LAMA5: variants seen among roughly 807,000 people sequenced by gnomAD.
LAMA5 encodes the protein laminin subunit alpha 5.
Under a neutral mutation model 433.4 loss-of-function variants are expected in LAMA5, and 260 were observed. The observed-to-expected ratio is 0.60, with a 90% CI of 0.54 to 0.66. The LOEUF is 0.66. Ranked by LOEUF, LAMA5 falls within the 30% of genes least tolerant of loss-of-function variation. The pLI is 0.00. For synonymous variants in LAMA5, 2,620 were observed against 2,226.6 expected, an observed-to-expected ratio of 1.18 and a Z score of -4.97; for missense variants, 5,378 against 5,258.5, an observed-to-expected ratio of 1.02 and a Z score of -0.70.
At position 62,332,466 on chromosome 20, in the gene LAMA5, C is replaced by T. The variant is rs763338126; in HGVS notation, c.3458G>A (p.Gly1153Asp). Residue 1153 changes from glycine to aspartate, a missense_variant, in exon 28 of 80, where the codon GGC (glycine) becomes GAC (aspartate). Gly to Asp is a moderately conservative substitution (Grantham distance 94, BLOSUM62 -1). Transcript: ENST00000252999. ...HPCLYSTLCRGTARDTQDHLA... is the reference protein window; with the variant it reads ...HPCLYSTLCRDTARDTQDHLA... ...GTGGTCCTGGGTATCCCGGGCAGTG[C>T]CCCGGCACAGGGTGCTGTGGGGGGA... is the stretch of plus-strand genomic sequence containing the variant. 11 of 1,612,404 alleles carry T rather than the reference C, an allele frequency of 6.8e-6. No homozygotes were observed. The highest frequency in any genetic ancestry group is 1.3e-5 in the African/African-American group (1 of 74,932).
Position 62,351,978 on chromosome 20 carries a change from G to T in LAMA5, c.789C>A (p.Phe263Leu). The T allele has an allele frequency of 6.2e-7, 1 of 1,612,652 alleles. No homozygotes were observed. Among genetic ancestry groups the T allele is most frequent in the Non-Finnish European group, 8.5e-7 (1 of 1,179,912 alleles). ...FTKATNVRLR[F>L]LRTNTLLGHL... Reference sequence around the variant, plus strand: ...GGCCCAGCAGCGTGTTGGTACGCAGGAAGCGCAGGCGGACGTTGGTGGCCT... The same window carrying T: ...GGCCCAGCAGCGTGTTGGTACGCAGTAAGCGCAGGCGGACGTTGGTGGCCT... Residue 263 changes from phenylalanine to leucine, a missense_variant, in exon 5 of 80, where the codon TTC (phenylalanine) becomes TTA (leucine). By Grantham distance (22) the Phe-to-Leu change is conservative (BLOSUM62 0). Coordinates refer to ENST00000252999, the MANE Select transcript of LAMA5 (RefSeq NM_005560.6).
Position 62,309,802 on chromosome 20 carries a change from A to G in LAMA5, c.10862T>C (p.Val3621Ala), listed in dbSNP as rs1253046894. Residue 3621 changes from valine (V) to alanine (A), a missense_variant, in exon 79 of 80, where the codon GTG becomes GCG. Coordinates refer to ENST00000252999, the MANE Select transcript of LAMA5 (RefSeq NM_005560.6). ...MKSGNVLRLE[V>A]DAQSNHTVGP... ...CACGGTGTGGTTGCTCTGCGCGTCC[A>G]CCTCCAGCCGGAGCACATTCCCGCT... The G allele has an allele frequency of 1.7e-5, 28 of 1,610,378 alleles. No individual in the cohort carries two copies. The highest frequency in any genetic ancestry group is 2.4e-5 in the Non-Finnish European group (28 of 1,179,232).
At chr20:62,316,532 C>G (rs1986948607) in intron 57 of LAMA5, 139 bp downstream of exon 57, 2 of 624,996 alleles carry the variant, frequency 3.2e-6, no homozygotes, top group Non-Finnish European at 5.3e-6. Flanking sequence ...GCTGGGGAGC[C>G]ATCTCCAAAG....
chr20:62,328,092 G>C (rs1383913229), intron 35 of LAMA5, 82 bp from the exon 36 acceptor site: 4 of 1,574,964 alleles, frequency 2.5e-6, no homozygotes, highest in Non-Finnish European at 3.4e-6. Flanking sequence ...CCCCCACCCA[G>C]GCAGCATCCT....
chr20:62,364,165 T>C (rs1986464293), intron 1 of LAMA5, among the ~76,000 whole-genome samples: 1 of 152,184 alleles, frequency 6.6e-6, no homozygotes, highest in Admixed American at 6.5e-5. Context: ...CCACGACCCC[T>C]ACCCGCAGGC....
At position 62,325,434 on chromosome 20, in the gene LAMA5, G is replaced by A. The variant is rs149570905; in HGVS notation, c.5411C>T (p.Ser1804Leu). The A allele has an allele frequency of 2.9e-4, 463 of 1,612,442 alleles. 2 individuals are homozygous for A. Among genetic ancestry groups the A allele is most frequent in the Non-Finnish European group, 3.1e-4 (362 of 1,179,532 alleles). The part of the protein sequence containing the change: ...QIRALFSQIS[S>L]AVFLRRVALE... ...TGCCACCCTGCGCAGGAAGACAGCC[G>A]AGGAGATCTGTGAGAAGAGGGCACG... Residue 1804 changes from serine (S) to leucine (L), a missense_variant, in exon 41 of 80, where the codon TCG becomes TTG. Coordinates refer to ENST00000252999, the MANE Select transcript of LAMA5 (RefSeq NM_005560.6).
In LAMA5 at chr20:62,362,441, G is replaced by A; in HGVS notation, c.409C>T (p.Leu137=). The A allele has an allele frequency of 6.3e-7, 1 of 1,587,432 alleles. No individual in the cohort carries two copies. Among genetic ancestry groups the A allele is most frequent in the East Asian group, 2.3e-5 (1 of 43,498 alleles). Residue 137 remains leucine (L), a synonymous_variant, in exon 2 of 80, where the codon CTG becomes TTG. Transcript: ENST00000252999. ...WWQSPPLSRG[L]EYNEVNVTLD... Reference sequence around the variant, plus strand: ...GTGACGTTGACCTCGTTGTACTCCAGGCCGCGGGACAGCGGTGGACTCTGC... The same window carrying A: ...GTGACGTTGACCTCGTTGTACTCCAAGCCGCGGGACAGCGGTGGACTCTGC...
At chr20:62,315,616 T>C (rs1448256908) in intron 58 of LAMA5, among the ~76,000 whole-genome samples, 1 of 152,140 alleles carries the variant, frequency 6.6e-6, no homozygotes, top group East Asian at 1.9e-4. Context: ...GCCAGCCCCT[T>C]GGTTCCAGCC....
Position 62,338,616 on chromosome 20 carries a change from G to A in LAMA5, c.1478-8C>T. The A allele has an allele frequency of 6.2e-7, 1 of 1,605,688 alleles. No homozygotes were observed. The highest frequency in any genetic ancestry group is 8.5e-7 in the Non-Finnish European group (1 of 1,178,126). The stretch of plus-strand genomic sequence containing the variant: ...CCGCGCTGCAGTCACAATCTGGAGG[G>A]TGGGGACAGGCAGGGGAGTCTCAGA... On this transcript the variant is annotated splice_polypyrimidine_tract_variant and splice_region_variant and intron_variant, in intron 11 of 79. Transcript: ENST00000252999.
In LAMA5 at chr20:62,311,682, C is replaced by T. The variant is rs754774022; in HGVS notation, c.9738G>A (p.Leu3246=). 1 of 1,588,510 alleles carries T rather than the reference C, an allele frequency of 6.3e-7. No individual in the cohort carries two copies. The highest frequency in any genetic ancestry group is 8.6e-7 in the Non-Finnish European group (1 of 1,168,536). ...PQPEGPPRLL[L]GGLPESGTIY... ...TGGTGCCAGACTCAGGCAGGCCTCC[C>T]AGGAGGAGCCTCGGGGGCCCCTCAG... Residue 3246 remains leucine (L), a synonymous_variant, in exon 71 of 80, where the codon CTG becomes CTA. Transcript: ENST00000252999.
At position 62,362,565 on chromosome 20, in the gene LAMA5, C is replaced by T. The variant is rs367723036; in HGVS notation, c.298-13G>A. On this transcript the variant is annotated splice_polypyrimidine_tract_variant and intron_variant, in intron 1 of 79. Transcript: ENST00000252999. ...CACAGTACTGGCCCTGCAGAGGGAA[C>T]GGGAGGGTCAGATAGCCGAGAAGGG... 30 of 1,520,274 alleles carry T rather than the reference C, an allele frequency of 2.0e-5. No homozygotes were observed. Among genetic ancestry groups the T allele is most frequent in the African/African-American group, 7.0e-5 (5 of 71,686 alleles). 94.2% of individuals were successfully genotyped at this position (1,520,274 alleles called of 1,614,324 possible).
At chr20:62,332,885 C>T (rs1278544438) in intron 26 of LAMA5, among the ~76,000 whole-genome samples, 168 bp from the exon 27 acceptor site, 1 of 142,192 alleles carries the variant, frequency 7.0e-6, no homozygotes, top group Non-Finnish European at 1.6e-5. Context: ...ATGTGGAGGC[C>T]ACAGCCAATC....
At position 62,322,762 on chromosome 20, in the gene LAMA5, C is replaced by T. The variant is rs1449832589; in HGVS notation, c.6065-4G>A. 2.7e-6 allele frequency: 4 copies of T among 1,478,042 alleles called. No individual in the cohort carries two copies. Among genetic ancestry groups the T allele is most frequent in the Non-Finnish European group, 2.7e-6 (3 of 1,112,608 alleles). The allele number at this position is 1,478,042 out of a possible 1,614,324, so 91.6% of individuals were successfully genotyped here. ...CCACATGGGGTACAGTCGCACCCTG[C>T]AGAAGGGGTCCGTGACTGCAGCCCT... On this transcript the variant is annotated splice_polypyrimidine_tract_variant and splice_region_variant and intron_variant, in intron 45 of 79. Coordinates refer to ENST00000252999, the MANE Select transcript of LAMA5 (RefSeq NM_005560.6).
rs1415357618 is a variant in LAMA5, at chr20:62,317,703, T to G, written c.7315A>C (p.Ser2439Arg). The change falls in exon 54 of 80, where the codon AGC becomes CGC. Residue 2439 changes from serine (S) to arginine (R), a missense_variant. Coordinates refer to ENST00000252999, the MANE Select transcript of LAMA5 (RefSeq NM_005560.6). ...TLHAARDTLA[S>R]VFRLLHSLDQ... ...AGGCTGTGCAGCAATCTGAAGACGC[T>G]GGCCAGGGTGTCCCTAGCCGCATGC... The G allele has an allele frequency of 1.9e-6, 3 of 1,603,730 alleles. No homozygotes were observed. In the African/African-American group the frequency reaches 4.0e-5, roughly 22 times the overall value.
chr20:62,327,722 C>T lies in LAMA5; in HGVS notation c.4798-53G>A, dbSNP rs543107686. ...TCGGCAGGTGCCAGGTGCCTGACCC[C>T]GGGTTCCTGGTACCCACCTGCCAAT... is the stretch of plus-strand genomic sequence containing the variant. On this transcript the variant is annotated intron_variant, in intron 36 of 79. Transcript: ENST00000252999. 146 of 1,599,504 alleles carry T rather than the reference C, an allele frequency of 9.1e-5. 1 individual carries two copies. In the South Asian group the frequency reaches 1.3e-3, roughly 15 times the overall value.
At chr20:62,322,942 G>A (rs1334235199) in intron 45 of LAMA5, among the ~76,000 whole-genome samples, 184 bp from the exon 46 acceptor site, 2 of 151,850 alleles carry the variant, frequency 1.3e-5, no homozygotes, top group South Asian at 4.2e-4. Flanking sequence ...CTGGGCCCGA[G>A]GGACCTGCAG....
chr20:62,336,211 C>T (rs947724191), intron 18 of LAMA5, 129 bp downstream of exon 18: 2 of 639,818 alleles, frequency 3.1e-6, no homozygotes, highest in African/African-American at 3.7e-5. Context: ...TCCCACCACT[C>T]CCTCCAGGGC....
At chr20:62,333,841 G>GGTGGA in intron 23 of LAMA5, 60 bp downstream of exon 23, 1 of 1,457,100 alleles carries the variant, frequency 6.9e-7, no homozygotes. Context: ...TTGGGAGTGG[G>GGTGGA]GTGGGGTGGG....
In LAMA5 at chr20:62,316,734, G is replaced by A. The variant is rs775508345; in HGVS notation, c.7693C>T (p.Leu2565Phe). 3.7e-6 allele frequency: 6 copies of A among 1,609,222 alleles called. No homozygotes were observed. The highest frequency in any genetic ancestry group is 1.8e-4 in the Middle Eastern group (1 of 5,632). Residue 2565 changes from leucine to phenylalanine, a missense_variant, in exon 57 of 80, where the codon CTC (leucine) becomes TTC (phenylalanine). Physicochemically the swap from Leu to Phe is conservative, Grantham distance 22. Coordinates refer to ENST00000252999, the MANE Select transcript of LAMA5 (RefSeq NM_005560.6). ...TCTAGTGCAGTGCTGTTGGCCAGGA[G>A]CTGCTGGGCTCGGTCCACCAGGCCC... Reference protein sequence around the residue: ...RQGLVDRAQQLLANSTALEEA... With the variant: ...RQGLVDRAQQFLANSTALEEA...
Sources: allele counts gnomAD v4.1 joint callset (sites outside exome capture counted in the v4.1 genomes callset), GRCh38; gene constraint gnomAD v4.1.1; transcripts MANE v1.5; gene names NCBI Gene and HGNC (gene_info 2026-07-23, HGNC 2026-07-21).